The following MED13 variants were observed in gnomAD, a reference collection of about 807,000 sequenced individuals.
The protein encoded by MED13 is mediator complex subunit 13.
MED13 carries 23 observed loss-of-function variants against 225.2 expected under a neutral mutation model. The observed-to-expected ratio is 0.10, with a 90% CI of 0.07 to 0.14. MED13 has a LOEUF of 0.14. MED13 is among the 10% of genes least tolerant of loss of function. The pLI, the probability that MED13 is intolerant of heterozygous loss-of-function variation, is 1.00. For synonymous variants in MED13, 942 were observed against 889.2 expected (o/e 1.06, Z -1.06); for missense variants, 2,197 against 2,594.5 (o/e 0.85, Z 3.33).
chr17:61,987,510 T>A (rs2080258440), intron 11 of MED13, among the ~76,000 whole-genome samples: 1 of 152,102 alleles, frequency 6.6e-6, no homozygotes, highest in African/African-American at 2.4e-5. Context: ...ATTAGACATA[T>A]AACTTTAAGG....
At chr17:62,015,116 C>G (rs2080550398) in intron 8 of MED13, among the ~76,000 whole-genome samples, 1 of 152,070 alleles carries the variant, frequency 6.6e-6, no homozygotes, top group African/African-American at 2.4e-5. Context: ...ACATAACAAC[C>G]AAATGTTTAC....
At position 62,063,319 on chromosome 17, in the gene MED13, T is replaced by C; in HGVS notation, c.67-18A>G. 1 of 1,531,506 alleles carries C rather than the reference T, an allele frequency of 6.5e-7. No individual in the cohort carries two copies. Among genetic ancestry groups the C allele is most frequent in the South Asian group, 1.1e-5 (1 of 88,668 alleles). The allele number at this position is 1,531,506 out of a possible 1,614,324, so 94.9% of individuals were successfully genotyped here. On this transcript the variant is annotated intron_variant, in intron 1 of 29. Transcript: ENST00000397786. ...AAGTCAGCCTGAAGGAAAGAAAGCA[T>C]TAAGTTTTATTACTGCATATTCACT...
chr17:62,048,911 C>T (rs1468596003), intron 3 of MED13, among the ~76,000 whole-genome samples: 1 of 151,912 alleles, frequency 6.6e-6, no homozygotes, highest in African/African-American at 2.4e-5. Flanking sequence ...AGATTCTATA[C>T]CCAGTCAAAA....
chr17:62,027,897 T>G (rs1037823899), intron 8 of MED13, among the ~76,000 whole-genome samples: 2 of 152,074 alleles, frequency 1.3e-5, no homozygotes, highest in East Asian at 3.9e-4. Flanking sequence ...ATGGCTATTA[T>G]TAAAAAGTCA....
chr17:61,996,728 T>G (rs1237799635), intron 9 of MED13, among the ~76,000 whole-genome samples: 1 of 152,186 alleles, frequency 6.6e-6, no homozygotes, highest in Non-Finnish European at 1.5e-5. Context: ...ATAATCCCCC[T>G]TACCCTGCTC....
At chr17:62,053,041 C>T (rs565341985) in intron 2 of MED13, among the ~76,000 whole-genome samples, 224 of 152,324 alleles carry the variant, frequency 1.5e-3, no homozygotes, top group African/African-American at 5.2e-3. Flanking sequence ...ACACACTCTA[C>T]ACCTATGATG....
intron 2 of MED13, among the ~76,000 whole-genome samples, chr17:62,057,474 G>GT (rs1171337715): frequency 1.3e-5 from 2 of 152,272 alleles, no homozygotes; most frequent in East Asian, 3.9e-4. Flanking sequence ...CCAATTTAAA[G>GT]AGTCGGGCCA....
At chr17:61,979,554 C>G (rs1420479649) in intron 16 of MED13, among the ~76,000 whole-genome samples, 1 of 152,122 alleles carries the variant, frequency 6.6e-6, no homozygotes, top group African/African-American at 2.4e-5. Flanking sequence ...AATGATCTGC[C>G]TGCCTCAGCC....
chr17:61,949,136 AAC>A (rs1219454707), intron 28 of MED13, among the ~76,000 whole-genome samples: 1 of 151,816 alleles, frequency 6.6e-6, no homozygotes, highest in African/African-American at 2.4e-5. Flanking sequence ...GTTATTCTGG[AAC>A]AATATTAGCA....
intron 6 of MED13, chr17:62,031,010 A>G (rs2143676315): frequency 6.5e-6 from 1 of 152,740 alleles, no homozygotes; most frequent in East Asian, 1.9e-4. Flanking sequence ...AATTATAGAT[A>G]AACACATAAA....
At chr17:62,045,361 T>G (rs2080889291) in intron 3 of MED13, among the ~76,000 whole-genome samples, 1 of 152,098 alleles carries the variant, frequency 6.6e-6, no homozygotes, top group Admixed American at 6.6e-5. Context: ...AAACACAATC[T>G]TAAGAAAGTT....
intron 26 of MED13, among the ~76,000 whole-genome samples, chr17:61,954,433 A>G (rs2079924002): frequency 6.6e-6 from 1 of 152,340 alleles, no homozygotes; most frequent in Admixed American, 6.5e-5. Flanking sequence ...CCTCAAAAGC[A>G]CAAGGGTAAA....
chr17:62,033,272 T>C (rs187831905), intron 5 of MED13, among the ~76,000 whole-genome samples: 222 of 152,336 alleles, frequency 1.5e-3, no homozygotes, highest in South Asian at 3.5e-3. Context: ...TCTTAAGTTA[T>C]TGGAAGTGGT....
At chr17:61,975,997 C>T (rs1377421333) in intron 16 of MED13, among the ~76,000 whole-genome samples, 1 of 151,760 alleles carries the variant, frequency 6.6e-6, no homozygotes, top group Non-Finnish European at 1.5e-5. Context: ...GCCTGGGCAA[C>T]AAGAGCGAGA....
chr17:61,945,437 T>A lies in MED13; in HGVS notation c.*1031A>T, dbSNP rs1447786312. On this transcript the variant is annotated 3_prime_UTR_variant, in exon 30 of 30. Transcript: ENST00000397786. Reference sequence around the variant, plus strand: ...ATGCCACTGTTAAAACTGAAAAAAATTTAAGCATGTAACATTAAACACTAA... The same window carrying A: ...ATGCCACTGTTAAAACTGAAAAAAAATTAAGCATGTAACATTAAACACTAA... The A allele has an allele frequency of 1.3e-5, 2 of 152,538 alleles. No individual in the cohort carries two copies. Among genetic ancestry groups the A allele is most frequent in the African/African-American group, 4.8e-5 (2 of 41,400 alleles). 9.4% of individuals were successfully genotyped at this position (152,538 alleles called of 1,614,324 possible).
chr17:61,990,646 TATATAC>T (rs2080289414), intron 11 of MED13, among the ~76,000 whole-genome samples: 1 of 147,890 alleles, frequency 6.8e-6, no homozygotes, highest in Non-Finnish European at 1.5e-5. Context: ...TATATATATA[TATATAC>T]ACACTCCCCC....
At chr17:61,969,074 G>A (rs2080084070) in intron 17 of MED13, among the ~76,000 whole-genome samples, 1 of 152,068 alleles carries the variant, frequency 6.6e-6, no homozygotes, top group Non-Finnish European at 1.5e-5. Context: ...TTTGGCATGG[G>A]GCTGGGTGCA....
At chr17:62,024,492 A>G (rs1242215291) in intron 8 of MED13, among the ~76,000 whole-genome samples, 1 of 152,208 alleles carries the variant, frequency 6.6e-6, no homozygotes, top group East Asian at 1.9e-4. Context: ...AAACAGAACT[A>G]TTTGATAAAA....
intron 28 of MED13, among the ~76,000 whole-genome samples, chr17:61,950,452 C>T (rs949920652): frequency 6.0e-5 from 9 of 150,886 alleles, no homozygotes; most frequent in African/African-American, 2.2e-4. Flanking sequence ...GGTACGATCT[C>T]GGCTCACTGC....
Sources: allele counts gnomAD v4.1 joint callset (sites outside exome capture counted in the v4.1 genomes callset), GRCh38; gene constraint gnomAD v4.1.1; transcripts MANE v1.5; gene names NCBI Gene and HGNC (gene_info 2026-07-23, HGNC 2026-07-21).